Variants in DAG1 observed in about 807,000 individuals in gnomAD.
DAG1 encodes the protein dystroglycan 1 (dystrophin-associated glycoprotein 1).
DAG1 carries 8 observed loss-of-function variants against 46.1 expected under a neutral mutation model. That is an observed-to-expected ratio of 0.17 (90% CI 0.10 to 0.31). The LOEUF is 0.31. DAG1 is among the 10% of genes least tolerant of loss of function. The pLI, the probability that DAG1 is intolerant of heterozygous loss-of-function variation, is 1.00. For missense variants in DAG1, 1,003 were observed against 1,189.9 expected (o/e 0.84, Z 2.31); for synonymous variants, 495 against 481.8 (o/e 1.03, Z -0.36).
At chr3:49,504,766 T>TG (rs1221122152) in intron 1 of DAG1, among the ~76,000 whole-genome samples, 3 of 132,720 alleles carry the variant, frequency 2.3e-5, no homozygotes, top group South Asian at 4.9e-4. Flanking sequence ...AGCTAATTTT[T>TG]TTTTTTTTTT....
At chr3:49,513,865 G>T (rs1346838496) in intron 2 of DAG1, among the ~76,000 whole-genome samples, 1 of 152,178 alleles carries the variant, frequency 6.6e-6, no homozygotes, top group African/African-American at 2.4e-5. Flanking sequence ...CTCAGCTTCA[G>T]ATTTAATCCT....
chr3:49,478,838 G>T (rs71324970), intron 1 of DAG1, among the ~76,000 whole-genome samples: 1 of 67,264 alleles, frequency 1.5e-5, no homozygotes, highest in Non-Finnish European at 3.0e-5. Context: ...TTTGGATACA[G>T]AATCTTGCAC....
chr3:49,474,810 GT>G (rs35680171), intron 1 of DAG1, among the ~76,000 whole-genome samples: 28,797 of 139,344 alleles, frequency 0.21, 2,784 homozygotes, highest in Middle Eastern at 0.28. Flanking sequence ...TAATTAATTA[GT>G]TTTTTTTTTT....
At chr3:49,490,903 T>C (rs930720586) in intron 1 of DAG1, among the ~76,000 whole-genome samples, 2 of 135,700 alleles carry the variant, frequency 1.5e-5, no homozygotes, top group African/African-American at 2.8e-5. Context: ...TTTTTTTTTT[T>C]GAGACGGAGT....
chr3:49,488,959 A>G (rs1342765905), intron 1 of DAG1, among the ~76,000 whole-genome samples: 1 of 152,146 alleles, frequency 6.6e-6, no homozygotes. Flanking sequence ...ATGTGTTTAG[A>G]GATATACATT....
At position 49,534,034 on chromosome 3, in the gene DAG1, T is replaced by G. The variant is rs563411215; in HGVS notation, c.*835T>G. 6.5e-6 allele frequency: 1 copy of G among 152,706 alleles called. No homozygotes were observed. The highest frequency in any genetic ancestry group is 1.9e-4 in the East Asian group (1 of 5,182). The allele number at this position is 152,706 out of a possible 1,614,324, so 9.5% of individuals were successfully genotyped here. ...CTAGTGGCCCACGACCAAGGGGTCT[T>G]CATTTCCATGAAAAAGGGACTCCAA... On this transcript the variant is annotated 3_prime_UTR_variant, in exon 3 of 3. Coordinates refer to ENST00000308775, the MANE Select transcript of DAG1 (RefSeq NM_004393.6).
Position 49,495,812 on chromosome 3 carries a change from C to T in DAG1, c.-116-14607C>T, listed in dbSNP as rs184930068. On this transcript the variant is annotated intron_variant, in intron 1 of 2. Transcript: ENST00000308775. The stretch of plus-strand genomic sequence containing the variant: ...GCAGGCACCTGTAACCCCAGCTACT[C>T]AGGAGGCTGAGGCAGGAGAATTGCT... 2.7e-3 allele frequency among the ~76,000 whole-genome samples: 409 copies of T among 152,196 alleles called. 1 individual carries two copies. The highest frequency in any genetic ancestry group is 9.3e-3 in the African/African-American group (386 of 41,536).
chr3:49,524,385 A>C (rs1481323883), intron 2 of DAG1, among the ~76,000 whole-genome samples: 1 of 152,230 alleles, frequency 6.6e-6, no homozygotes, highest in Non-Finnish European at 1.5e-5. Flanking sequence ...TTCTATTAAA[A>C]TGAATCATGG....
chr3:49,474,978 A>T (rs1382268148), intron 1 of DAG1, among the ~76,000 whole-genome samples: 3 of 150,196 alleles, frequency 2.0e-5, no homozygotes, highest in Non-Finnish European at 4.4e-5. Flanking sequence ...CGCCCAGCTA[A>T]TTTTTTTGTA....
chr3:49,531,821 C>T lies in DAG1; in HGVS notation c.1310C>T (p.Pro437Leu), dbSNP rs2051356745. Residue 437 changes from proline to leucine, a missense_variant, in exon 3 of 3, where the codon CCT becomes CTT. Coordinates refer to ENST00000308775, the MANE Select transcript of DAG1 (RefSeq NM_004393.6). This position sits in a 1 kb window ranked among gnomAD's most constrained non-coding sequence, Gnocchi z 7.0. ...GTATCCACACCAAAACCAGCAACGCCTTCAACTGACTCCACCACCACCACG... is the reference window on the plus strand; with the variant it reads ...GTATCCACACCAAAACCAGCAACGCTTTCAACTGACTCCACCACCACCACG... ...PRVSTPKPAT[P>L]STDSTTTTTR... is the part of the protein sequence containing the mutation. The T allele has an allele frequency of 1.2e-6, 2 of 1,613,890 alleles. No individual in the cohort carries two copies. The highest frequency in any genetic ancestry group is 1.1e-5 in the South Asian group (1 of 91,040).
intron 1 of DAG1, among the ~76,000 whole-genome samples, chr3:49,484,344 C>T (rs2049961313): frequency 6.6e-6 from 1 of 151,900 alleles, no homozygotes; most frequent in Non-Finnish European, 1.5e-5. Context: ...TAGTGCCAGC[C>T]CTAACCTGAC....
chr3:49,489,548 C>T (rs996267825), intron 1 of DAG1, among the ~76,000 whole-genome samples: 1 of 152,082 alleles, frequency 6.6e-6, no homozygotes, highest in African/African-American at 2.4e-5. Context: ...GACCTCTTAA[C>T]TTGGTAATGA....
At position 49,533,252 on chromosome 3, in the gene DAG1, G is replaced by T; in HGVS notation, c.*53G>T. 1 of 1,599,622 alleles carries T rather than the reference G, an allele frequency of 6.3e-7. No individual in the cohort carries two copies. Among genetic ancestry groups the T allele is most frequent in the African/African-American group, 1.3e-5 (1 of 74,942 alleles). ...TAGGGCAGGGGCCTGGAGACGACAT[G>T]GTGTTGTCTGTGGAGACCGGTGGCC... On this transcript the variant is annotated 3_prime_UTR_variant, in exon 3 of 3. Coordinates refer to ENST00000308775, the MANE Select transcript of DAG1 (RefSeq NM_004393.6).
chr3:49,474,093 T>C (rs9830627), intron 1 of DAG1, among the ~76,000 whole-genome samples: 148,504 of 152,160 alleles, frequency 0.98, 72,583 homozygotes, highest in Middle Eastern at 1. Flanking sequence ...CTTGCTCTGT[T>C]GCCGAAGCTG....
intron 1 of DAG1, among the ~76,000 whole-genome samples, chr3:49,499,781 C>T (rs958053939): frequency 2.0e-5 from 3 of 152,130 alleles, no homozygotes; most frequent in African/African-American, 7.2e-5. Flanking sequence ...GGATCCTTAC[C>T]TGCTGAACCT....
Position 49,531,166 on chromosome 3 carries a change from G to C in DAG1, c.655G>C (p.Glu219Gln). Residue 219 changes from glutamate to glutamine, a missense_variant, in exon 3 of 3, where the codon GAA (glutamate) becomes CAA (glutamine). This residue lies in a region of DAG1 where 52 missense variants were observed against 96.7 expected (regional missense o/e 0.54). Transcript: ENST00000308775. The surrounding 1 kb of genome is among the most constrained non-coding windows in gnomAD (Gnocchi z 7.0). ...DLLHRMRSFS[E>Q]VELHNMKLVP... ...CCTGCACAGGATGCGGAGCTTCTCAGAAGTAGAGCTTCACAACATGAAATT... is the reference window on the plus strand; with the variant it reads ...CCTGCACAGGATGCGGAGCTTCTCACAAGTAGAGCTTCACAACATGAAATT... The C allele has an allele frequency of 6.2e-7, 1 of 1,614,236 alleles. No homozygotes were observed. The highest frequency in any genetic ancestry group is 8.5e-7 in the Non-Finnish European group (1 of 1,180,036).
intron 1 of DAG1, among the ~76,000 whole-genome samples, chr3:49,497,221 G>A (rs2050337190): frequency 6.6e-6 from 1 of 151,930 alleles, no homozygotes; most frequent in African/African-American, 2.4e-5. Flanking sequence ...TAGATCACCT[G>A]AGATCAGGAG....
chr3:49,510,638 C>T lies in DAG1; in HGVS notation c.104C>T (p.Pro35Leu). ...VMAQSHWPSEPSEAVRDWENQ... is the reference protein window; with the variant it reads ...VMAQSHWPSELSEAVRDWENQ... ...GCTCAGTCCCACTGGCCCAGTGAAC[C>T]CTCAGAGGCTGTCAGGGACTGGGAA... Residue 35 changes from proline to leucine, a missense_variant, in exon 2 of 3, where the codon CCC becomes CTC. Pro to Leu is a moderately conservative substitution (Grantham distance 98, BLOSUM62 -3). This residue lies in a region of DAG1 where 196 missense variants were observed against 239.1 expected (regional missense o/e 0.82). Coordinates refer to ENST00000308775, the MANE Select transcript of DAG1 (RefSeq NM_004393.6). The T allele has an allele frequency of 1.2e-6, 2 of 1,614,156 alleles. No individual in the cohort carries two copies. Among genetic ancestry groups the T allele is most frequent in the Non-Finnish European group, 1.7e-6 (2 of 1,180,026 alleles).
rs200233956 is a variant in DAG1, at chr3:49,531,557, C to T, written c.1046C>T (p.Pro349Leu). 6.0e-5 allele frequency: 97 copies of T among 1,611,864 alleles called. No individual in the cohort carries two copies. The highest frequency in any genetic ancestry group is 8.1e-5 in the Non-Finnish European group (95 of 1,178,116). The part of the protein sequence containing the change: ...VPTPTSPAIA[P>L]PTETMAPPVR... ...ACCCCCACATCTCCAGCCATTGCTC[C>T]TCCAACAGAGACCATGGCTCCTCCA... Residue 349 changes from proline (P) to leucine (L), a missense_variant, in exon 3 of 3, where the codon CCT (proline) becomes CTT (leucine). Physicochemically the swap from Pro to Leu is moderately conservative, Grantham distance 98 (BLOSUM62 -3). Transcript: ENST00000308775. The surrounding 1 kb of genome is among the most constrained non-coding windows in gnomAD (Gnocchi z 7.0).
Sources: allele counts gnomAD v4.1 joint callset (sites outside exome capture counted in the v4.1 genomes callset), GRCh38; gene constraint gnomAD v4.1.1; regional missense constraint gnomAD v4.1.1; non-coding constraint Gnocchi (gnomAD v3.1); transcripts MANE v1.5; gene names NCBI Gene and HGNC (gene_info 2026-07-23, HGNC 2026-07-21).